The following ZC3H3 variants were observed in gnomAD, a reference collection of about 807,000 sequenced individuals.
The protein encoded by ZC3H3 is zinc finger CCCH-type containing 3.
Under a neutral mutation model 77.3 loss-of-function variants are expected in ZC3H3, and 36 were observed. The ratio of observed to expected loss-of-function variants is 0.47; its 90% CI spans 0.36 to 0.61. ZC3H3 has a LOEUF of 0.61. Among genes scored for constraint, ZC3H3 ranks in the 20% least tolerant of loss-of-function variants. The probability of loss-of-function intolerance (pLI) is 0.00; values close to 1 mark genes in which losing one functional copy is unlikely to be tolerated. For missense variants in ZC3H3, 1,331 were observed against 1,312.2 expected (o/e 1.01, Z -0.22); for synonymous variants, 626 against 555.2 (o/e 1.13, Z -1.79).
At chr8:143,510,616 G>A (rs908175692) in intron 3 of ZC3H3, among the ~76,000 whole-genome samples, 1 of 152,218 alleles carries the variant, frequency 6.6e-6, no homozygotes, top group Non-Finnish European at 1.5e-5. Flanking sequence ...GGTGTGCAGC[G>A]ATGGCGTGGG....
intron 3 of ZC3H3, among the ~76,000 whole-genome samples, chr8:143,515,077 C>T (rs908827625): frequency 2.0e-4 from 31 of 152,248 alleles, no homozygotes; most frequent in African/African-American, 7.2e-4. Flanking sequence ...CGTCTGGATT[C>T]ACCAGTCCTT....
At chr8:143,490,879 C>T (rs1418108379) in intron 4 of ZC3H3, among the ~76,000 whole-genome samples, 1 of 152,112 alleles carries the variant, frequency 6.6e-6, no homozygotes, top group African/African-American at 2.4e-5. Flanking sequence ...TGCACTCCAG[C>T]CTAGGTGACA....
intron 3 of ZC3H3, among the ~76,000 whole-genome samples, chr8:143,514,110 C>T (rs1242765002): frequency 1.3e-5 from 2 of 152,316 alleles, no homozygotes; most frequent in East Asian, 3.9e-4. Flanking sequence ...CAAGGCTACA[C>T]TGGGGGTGAC....
intron 5 of ZC3H3, among the ~76,000 whole-genome samples, chr8:143,474,893 C>T (rs762194395): frequency 9.2e-5 from 14 of 152,224 alleles, no homozygotes; most frequent in African/African-American, 2.2e-4. Flanking sequence ...GTTGTCGAGG[C>T]GTCGCCAATG....
At chr8:143,463,959 C>T (rs1207806940) in intron 9 of ZC3H3, among the ~76,000 whole-genome samples, 4 of 152,260 alleles carry the variant, frequency 2.6e-5, no homozygotes, top group African/African-American at 7.2e-5. Context: ...AACAAGCCAT[C>T]GCTTTATGAA....
chr8:143,443,733 T>G (rs1819802438), intron 9 of ZC3H3, among the ~76,000 whole-genome samples: 1 of 152,182 alleles, frequency 6.6e-6, no homozygotes, highest in African/African-American at 2.4e-5. Flanking sequence ...AGAAGGAAGA[T>G]GTAAACAATG....
At chr8:143,528,618 C>T (rs1280312102) in intron 3 of ZC3H3, among the ~76,000 whole-genome samples, 1 of 152,244 alleles carries the variant, frequency 6.6e-6, no homozygotes, top group Non-Finnish European at 1.5e-5. Flanking sequence ...AGTGCTGCTG[C>T]CGACCTCCAC....
intron 9 of ZC3H3, among the ~76,000 whole-genome samples, chr8:143,454,306 G>T (rs181200766): frequency 2.1e-3 from 317 of 151,744 alleles, no homozygotes; most frequent in Non-Finnish European, 3.9e-3. Flanking sequence ...GACGAGGCTG[G>T]TCTTGAACTT....
At chr8:143,448,802 C>G (rs1291082811) in intron 9 of ZC3H3, among the ~76,000 whole-genome samples, 1 of 152,248 alleles carries the variant, frequency 6.6e-6, no homozygotes, top group Non-Finnish European at 1.5e-5. Flanking sequence ...TTCCCCCTAG[C>G]AGAAGTTCTC....
chr8:143,475,411 G>A lies in ZC3H3; in HGVS notation c.1890C>T (p.Pro630=), dbSNP rs1301370675. Reference sequence around the variant, plus strand: ...CTCACCTCTCACCTGTGCGCAGGAGGGGCCTGCTGCCCGCATCACTGGGCT... The same window carrying A: ...CTCACCTCTCACCTGTGCGCAGGAGAGGCCTGCTGCCCGCATCACTGGGCT... ...SGQPSDAGSR[P]LLRTGRLDPA... Residue 630 remains proline, a synonymous_variant, in exon 5 of 12, where the codon CCC becomes CCT. Coordinates refer to ENST00000262577, the MANE Select transcript of ZC3H3 (RefSeq NM_015117.3). 5.0e-6 allele frequency: 8 copies of A among 1,612,900 alleles called. No homozygotes were observed. Among genetic ancestry groups the A allele is most frequent in the Admixed American group, 1.7e-5 (1 of 59,996 alleles).
chr8:143,513,458 C>T (rs34564641), intron 3 of ZC3H3, among the ~76,000 whole-genome samples: 3,676 of 152,298 alleles, frequency 0.024, 128 homozygotes, highest in African/African-American at 0.084. Flanking sequence ...ACACCAGGCC[C>T]CACGCTGGAG....
Position 143,525,005 on chromosome 8 carries a change from C to T in ZC3H3, c.1561+11252G>A, listed in dbSNP as rs376973146. Among the ~76,000 whole-genome samples, 8 of 152,280 alleles carry T rather than the reference C, an allele frequency of 5.3e-5. No homozygotes were observed. The East Asian group carries it at 5.8e-4, about 11-fold the overall frequency. On this transcript the variant is annotated intron_variant, in intron 3 of 11. Coordinates refer to ENST00000262577, the MANE Select transcript of ZC3H3 (RefSeq NM_015117.3). ...TCGAGCAAACCAACAGCTAACTTGA[C>T]ACTTGATGTCTGCAAGCTGCTAAAC...
chr8:143,527,483 C>A (rs574848036), intron 3 of ZC3H3, among the ~76,000 whole-genome samples: 2 of 152,166 alleles, frequency 1.3e-5, no homozygotes, highest in African/African-American at 2.4e-5. Context: ...ACGGCACACA[C>A]GCGATCCCAC....
Position 143,538,123 on chromosome 8 carries a change from G to T in ZC3H3, c.1244C>A (p.Pro415Gln). The T allele has an allele frequency of 6.2e-7, 1 of 1,613,158 alleles. No individual in the cohort carries two copies. Among genetic ancestry groups the T allele is most frequent in the Non-Finnish European group, 8.5e-7 (1 of 1,180,026 alleles). ...TCCTACTGCTGGTCTGTCCCCCGACGGGGACCTAGACAGGACTGGGGAGAG... is the reference window on the plus strand; with the variant it reads ...TCCTACTGCTGGTCTGTCCCCCGACTGGGACCTAGACAGGACTGGGGAGAG... ...SQLSPVLSRS[P>Q]SGDRPAVGHS... is the part of the protein sequence containing the mutation. The change falls in exon 2 of 12, where the codon CCG (proline) becomes CAG (glutamine). Residue 415 changes from proline (P) to glutamine (Q), a missense_variant. By Grantham distance (76) the Pro-to-Gln change is moderately conservative (BLOSUM62 -1). This residue lies in a region of ZC3H3 where 978 missense variants were observed against 915.5 expected (regional missense o/e 1.07). Transcript: ENST00000262577.
At chr8:143,511,845 G>A (rs1000331816) in intron 3 of ZC3H3, among the ~76,000 whole-genome samples, 4 of 152,250 alleles carry the variant, frequency 2.6e-5, no homozygotes, top group African/African-American at 9.6e-5. Context: ...CTGCCAGCCC[G>A]AGAAAATACC....
chr8:143,520,535 G>C (rs978461139), intron 3 of ZC3H3, among the ~76,000 whole-genome samples: 1 of 152,192 alleles, frequency 6.6e-6, no homozygotes, highest in African/African-American at 2.4e-5. Flanking sequence ...ATGTACCGCA[G>C]GGTGCTGGTT....
intron 4 of ZC3H3, among the ~76,000 whole-genome samples, chr8:143,506,285 G>A (rs757122397): frequency 2.4e-4 from 37 of 152,262 alleles, no homozygotes; most frequent in Admixed American, 7.2e-4. Flanking sequence ...GACCCTCGAC[G>A]TCGGGCTGAC....
chr8:143,476,026 G>A lies in ZC3H3; in HGVS notation c.1716-441C>T, dbSNP rs1158181992. On this transcript the variant is annotated intron_variant, in intron 4 of 11. Coordinates refer to ENST00000262577, the MANE Select transcript of ZC3H3 (RefSeq NM_015117.3). Reference sequence around the variant, plus strand: ...GGGCTGCAGGGCAGAGGGGCTGCAAGGTGTCTGCGTGTTGGTGAGAAGCAC... The same window carrying A: ...GGGCTGCAGGGCAGAGGGGCTGCAAAGTGTCTGCGTGTTGGTGAGAAGCAC... 3.9e-5 allele frequency among the ~76,000 whole-genome samples: 6 copies of A among 152,322 alleles called. No homozygotes were observed. In the East Asian group the frequency reaches 1.2e-3, roughly 29 times the overall value.
At chr8:143,518,019 T>C (rs1425089897) in intron 3 of ZC3H3, among the ~76,000 whole-genome samples, 1 of 151,872 alleles carries the variant, frequency 6.6e-6, no homozygotes, top group Non-Finnish European at 1.5e-5. Flanking sequence ...GTACAGGACC[T>C]AGAGGCGGCC....
Sources: allele counts gnomAD v4.1 joint callset (sites outside exome capture counted in the v4.1 genomes callset), GRCh38; gene constraint gnomAD v4.1.1; regional missense constraint gnomAD v4.1.1; transcripts MANE v1.5; gene names NCBI Gene and HGNC (gene_info 2026-07-23, HGNC 2026-07-21).